NUP85: variants seen among roughly 807,000 people sequenced by gnomAD.
NUP85 encodes the protein nucleoporin 85.
A neutral mutation model predicts 92.8 loss-of-function variants in NUP85; 23 were observed. The observed-to-expected ratio is 0.25, with a 90% CI of 0.18 to 0.35. The LOEUF is 0.35. Among genes scored for constraint, NUP85 ranks in the 10% least tolerant of loss-of-function variants. The pLI, the probability that NUP85 is intolerant of heterozygous loss-of-function variation, is 1.00. For synonymous variants in NUP85, 314 were observed against 306.9 expected (o/e 1.02, Z -0.24); for missense variants, 759 against 822.8 (o/e 0.92, Z 0.95).
intron 7 of NUP85, among the ~76,000 whole-genome samples, chr17:75,222,816 A>ACT (rs1165548558): frequency 1.4e-4 from 21 of 151,978 alleles, no homozygotes; most frequent in Non-Finnish European, 2.5e-4. Flanking sequence ...CGGGCGGATC[A>ACT]TGAAGTCAGG....
chr17:75,218,243 C>T lies in NUP85; in HGVS notation c.534C>T (p.Asp178=). The part of the protein sequence containing the change: ...DWVRLHVCEV[D]SLSADVLGSE... Reference sequence around the variant, plus strand: ...TCCGGCTCCATGTGTGCGAGGTGGACAGTTTGTCGGCAGATGTTCTGGGCA... The same window carrying T: ...TCCGGCTCCATGTGTGCGAGGTGGATAGTTTGTCGGCAGATGTTCTGGGCA... Residue 178 remains aspartate, a synonymous_variant, in exon 7 of 19, where the codon GAC becomes GAT. Coordinates refer to ENST00000245544, the MANE Select transcript of NUP85 (RefSeq NM_024844.5). The T allele has an allele frequency of 6.2e-7, 1 of 1,613,936 alleles. No individual in the cohort carries two copies.
chr17:75,233,681 C>A (rs568542406), intron 16 of NUP85, among the ~76,000 whole-genome samples: 1 of 152,094 alleles, frequency 6.6e-6, no homozygotes, highest in Non-Finnish European at 1.5e-5. Flanking sequence ...TCACTGCAAC[C>A]CCCGCCTCCC....
At chr17:75,215,600 C>G (rs745339433) in intron 5 of NUP85, among the ~76,000 whole-genome samples, 154 bp from the exon 6 acceptor site, 5 of 152,270 alleles carry the variant, frequency 3.3e-5, no homozygotes, top group African/African-American at 4.8e-5. Flanking sequence ...CATCCTCACG[C>G]TGGCTCCCCT....
At chr17:75,235,456 T>A in intron 18 of NUP85, 122 bp from the exon 19 acceptor site, 2 of 687,750 alleles carry the variant, frequency 2.9e-6, no homozygotes, top group Non-Finnish European at 5.0e-6. Flanking sequence ...TTTACATCGA[T>A]AATTTGCTGG....
chr17:75,212,951 A>G (rs1363023704), intron 4 of NUP85, 125 bp from the exon 5 acceptor site: 2 of 925,250 alleles, frequency 2.2e-6, no homozygotes. Flanking sequence ...AAAAGAGATT[A>G]TAATGTCTTT....
intron 3 of NUP85, 99 bp from the exon 4 acceptor site, chr17:75,211,889 CTCTT>C: frequency 1.1e-6 from 1 of 908,504 alleles, no homozygotes; most frequent in Non-Finnish European, 1.8e-6. Flanking sequence ...AACGGCTCTC[CTCTT>C]TCTTTCAGCA....
intron 14 of NUP85, chr17:75,232,186 A>C: frequency 1.8e-6 from 1 of 566,832 alleles, no homozygotes; most frequent in Non-Finnish European, 3.1e-6. Flanking sequence ...ACCCAGACAA[A>C]ATCTACACGC....
chr17:75,231,458 T>TAC lies in NUP85; in HGVS notation c.1178+36_1178+37dup. 6.2e-7 allele frequency: 1 copy of TAC among 1,612,446 alleles called. No individual in the cohort carries two copies. The highest frequency in any genetic ancestry group is 8.5e-7 in the Non-Finnish European group (1 of 1,178,482). ...CGGGAGGCACCGATCCTCCTCTTCT[T>TAC]ACCACCAGGCCCCCGAGGGTGGTGT... On this transcript the variant is annotated intron_variant, in intron 12 of 18. Transcript: ENST00000245544. This position sits in a 1 kb window ranked among gnomAD's most constrained non-coding sequence, Gnocchi z 4.6.
intron 3 of NUP85, 79 bp from the exon 4 acceptor site, chr17:75,211,913 A>AT: frequency 1.8e-6 from 2 of 1,137,968 alleles, no homozygotes; most frequent in Non-Finnish European, 2.6e-6. Context: ...AAATTTCTGC[A>AT]TTTATTTGAG....
chr17:75,233,007 G>T (rs766897830), intron 15 of NUP85, 39 bp downstream of exon 15: 2 of 1,613,220 alleles, frequency 1.2e-6, no homozygotes, highest in East Asian at 4.5e-5. Context: ...GGACTGGGTG[G>T]TTGAGGTGGG....
rs371760886 is a variant in NUP85 at position 75,225,693 on chromosome 17, C to T, written c.856-5C>T. The T allele has an allele frequency of 6.2e-7, 1 of 1,614,098 alleles. No homozygotes were observed. Among genetic ancestry groups the T allele is most frequent in the Non-Finnish European group, 8.5e-7 (1 of 1,179,982 alleles). ...ACAGAGTTCAGCACAAATGTCTCTC[C>T]TCAGATTATGCTGGGAGACGAAGCT... On this transcript the variant is annotated splice_region_variant and splice_polypyrimidine_tract_variant and intron_variant, in intron 9 of 18. Transcript: ENST00000245544.
At position 75,233,894 on chromosome 17, in the gene NUP85, C is replaced by T. The variant is rs552546672; in HGVS notation, c.1615+736C>T. On this transcript the variant is annotated intron_variant, in intron 16 of 18. Coordinates refer to ENST00000245544, the MANE Select transcript of NUP85 (RefSeq NM_024844.5). The stretch of plus-strand genomic sequence containing the variant: ...ATTACAGGCGTGAGCCACTGCGCCC[C>T]GCCTAATTTTTGTATTTTTAGTAGA... 4.8e-3 allele frequency among the ~76,000 whole-genome samples: 728 copies of T among 150,196 alleles called. 2 individuals carry two copies. Among genetic ancestry groups the T allele is most frequent in the African/African-American group, 0.012 (496 of 40,952 alleles).
chr17:75,226,750 T>A, intron 11 of NUP85: 1 of 451,766 alleles, frequency 2.2e-6, no homozygotes, highest in Non-Finnish European at 4.4e-6. Flanking sequence ...TTCAGGGATG[T>A]TCATTTAAAA....
chr17:75,212,498 A>G (rs1243538420), intron 4 of NUP85, among the ~76,000 whole-genome samples: 5 of 74,724 alleles, frequency 6.7e-5, no homozygotes, highest in African/African-American at 1.1e-4. Context: ...TTTTTTTTTG[A>G]GACAAGGTTG....
intron 11 of NUP85, among the ~76,000 whole-genome samples, chr17:75,229,455 G>A (rs972330170): frequency 2.0e-5 from 3 of 152,162 alleles, no homozygotes; most frequent in Admixed American, 6.5e-5. Context: ...GCGTTCTCTC[G>A]TTTTCAGCAG....
chr17:75,232,918 T>G lies in NUP85; in HGVS notation c.1464T>G (p.Ser488=), dbSNP rs767762494. 1 of 1,614,262 alleles carries G rather than the reference T, an allele frequency of 6.2e-7. No homozygotes were observed. Among genetic ancestry groups the G allele is most frequent in the Non-Finnish European group, 8.5e-7 (1 of 1,180,046 alleles). The part of the protein sequence containing the change: ...VRNNRLGSAL[S]WSIRAKDAAF... ...ACAATCGCCTGGGTTCTGCCCTCTC[T>G]TGGAGCATCCGTGCTAAGGATGCCG... is the stretch of plus-strand genomic sequence containing the variant. The change falls in exon 15 of 19, where the codon TCT becomes TCG. Residue 488 remains serine, a synonymous_variant. Transcript: ENST00000245544.
At position 75,231,664 on chromosome 17, in the gene NUP85, CTA is replaced by C. The variant is rs2076063316; in HGVS notation, c.1244+28_1244+29del. 1 of 1,612,638 alleles carries C rather than the reference CTA, an allele frequency of 6.2e-7. No homozygotes were observed. The highest frequency in any genetic ancestry group is 1.7e-5 in the Admixed American group (1 of 59,966). On this transcript the variant is annotated intron_variant, in intron 13 of 18. Coordinates refer to ENST00000245544, the MANE Select transcript of NUP85 (RefSeq NM_024844.5). This position sits in a 1 kb window ranked among gnomAD's most constrained non-coding sequence, Gnocchi z 4.6. ...GTAGGAAGGACCCCATGGGTGTGGGCTATGCGGGTGCTCTTCAGCATGCGGGT... is the reference window on the plus strand; with the variant it reads ...GTAGGAAGGACCCCATGGGTGTGGGCTGCGGGTGCTCTTCAGCATGCGGGT...
rs138147210 is a variant in NUP85, at chr17:75,225,758, C to A, written c.916C>A (p.His306Asn). The change falls in exon 10 of 19, where the codon CAT becomes AAT. Residue 306 changes from histidine to asparagine, a missense_variant. His to Asn is a moderately conservative substitution (Grantham distance 68). Coordinates refer to ENST00000245544, the MANE Select transcript of NUP85 (RefSeq NM_024844.5). ...EQKELLSNWYHFLVTRLLYSN... is the reference protein window; with the variant it reads ...EQKELLSNWYNFLVTRLLYSN... ...GAAGGAACTTCTGAGTAATTGGTAT[C>A]ATTTCCTAGTGACTCGGCTCTTGTA... 3 of 1,613,948 alleles carry A rather than the reference C, an allele frequency of 1.9e-6. No individual in the cohort carries two copies. In the African/African-American group the frequency reaches 4.0e-5, roughly 22 times the overall value.
chr17:75,216,420 C>T (rs1165185825), intron 6 of NUP85: 3 of 152,412 alleles, frequency 2.0e-5, no homozygotes, highest in African/African-American at 7.2e-5. Context: ...CATGCGCTGC[C>T]ACGCCTGGCT....
Sources: gnomAD v4.1 joint callset for allele counts (sites outside exome capture counted in the v4.1 genomes callset) on GRCh38, gnomAD v4.1.1 for gene constraint, Gnocchi (gnomAD v3.1) non-coding constraint, MANE v1.5 for transcripts, NCBI Gene and HGNC (gene_info 2026-07-23, HGNC 2026-07-21) for gene names.